MAD1L1: variants seen among roughly 807,000 people sequenced by gnomAD.
MAD1L1 encodes the protein mitotic spindle assembly checkpoint protein MAD1.
Under a neutral mutation model 96.9 loss-of-function variants are expected in MAD1L1, and 95 were observed. That is an observed-to-expected ratio of 0.98 (90% CI 0.83 to 1.16). The LOEUF is 1.16. Ranked by LOEUF, MAD1L1 falls within the 50% of genes most tolerant of loss-of-function variation. The pLI, the probability that MAD1L1 is intolerant of heterozygous loss-of-function variation, is 0.00. For synonymous variants in MAD1L1, 473 were observed against 396.6 expected (o/e 1.19, Z -2.29); for missense variants, 1,007 against 954.4 (o/e 1.06, Z -0.73).
intron 11 of MAD1L1, among the ~76,000 whole-genome samples, chr7:2,115,910 G>T (rs1054725616): frequency 4.6e-5 from 7 of 152,206 alleles, no homozygotes; most frequent in Non-Finnish European, 1.5e-5. Context: ...CCTGCCCCAG[G>T]CCCACACCCT....
intron 18 of MAD1L1, among the ~76,000 whole-genome samples, chr7:1,822,542 C>T (rs1351340159): frequency 6.6e-6 from 1 of 150,876 alleles, no homozygotes; most frequent in Non-Finnish European, 1.5e-5. Context: ...ATCTTCCTGC[C>T]TCAACGTGCC....
At chr7:1,975,860 G>C (rs1332268965) in intron 15 of MAD1L1, among the ~76,000 whole-genome samples, 1 of 152,138 alleles carries the variant, frequency 6.6e-6, no homozygotes, top group African/African-American at 2.4e-5. Context: ...GAGGGTCCGA[G>C]TGTGACTAGC....
At chr7:2,000,768 G>C (rs973148027) in intron 14 of MAD1L1, among the ~76,000 whole-genome samples, 1 of 152,228 alleles carries the variant, frequency 6.6e-6, no homozygotes, top group Middle Eastern at 3.2e-3. Context: ...GCTGCTGAGT[G>C]AACAGCGACC....
chr7:2,131,404 A>G (rs1422173987), intron 11 of MAD1L1, among the ~76,000 whole-genome samples: 1 of 152,240 alleles, frequency 6.6e-6, no homozygotes, highest in East Asian at 1.9e-4. Context: ...AGGCAGTAAA[A>G]TTGGCAGAGC....
chr7:2,158,064 C>T (rs924346344), intron 10 of MAD1L1, among the ~76,000 whole-genome samples: 7 of 152,238 alleles, frequency 4.6e-5, no homozygotes, highest in Non-Finnish European at 7.3e-5. Context: ...CAAGCTGTGA[C>T]ATCTGCTGCT....
At chr7:2,002,145 C>A in intron 13 of MAD1L1, 24 bp from the exon 14 acceptor site, 1 of 1,611,448 alleles carries the variant, frequency 6.2e-7, no homozygotes, top group Middle Eastern at 1.7e-4. Flanking sequence ...CAGGATTCGG[C>A]CTGAGACTGT....
At chr7:2,156,336 C>T (rs1246457494) in intron 10 of MAD1L1, among the ~76,000 whole-genome samples, 5 of 152,278 alleles carry the variant, frequency 3.3e-5, no homozygotes, top group South Asian at 2.1e-4. Context: ...CGGTGCGTGG[C>T]GTCATGACGT....
intron 10 of MAD1L1, among the ~76,000 whole-genome samples, chr7:2,209,163 G>A (rs1484452031): frequency 6.6e-6 from 1 of 152,130 alleles, no homozygotes; most frequent in Non-Finnish European, 1.5e-5. Flanking sequence ...GACACATAAG[G>A]ACCTCGTTCC....
chr7:2,034,155 G>C (rs1317438026), intron 12 of MAD1L1, among the ~76,000 whole-genome samples: 1 of 151,714 alleles, frequency 6.6e-6, no homozygotes, highest in African/African-American at 2.4e-5. Flanking sequence ...GTCCAAGGAT[G>C]TTGCACACAT....
rs1314755630 is a variant in MAD1L1, at chr7:1,983,146, GCGCGCGCGCACACACACA to G, written c.1417-2623_1417-2606del. Among the ~76,000 whole-genome samples the G allele has an allele frequency of 7.2e-3, 947 of 130,970 alleles. 8 individuals carry two copies. The highest frequency in any genetic ancestry group is 0.011 in the Non-Finnish European group (725 of 63,826). The allele number at this position is 130,970 out of a possible 152,430, so 85.9% of individuals were successfully genotyped here. ...CACACCCACAGACGCGCGCGCGCGC[GCGCGCGCGCACACACACA>G]CACACACACACACACACACACACAG... On this transcript the variant is annotated intron_variant, in intron 14 of 18. Coordinates refer to ENST00000265854, the MANE Select transcript of MAD1L1 (RefSeq NM_001013836.2).
chr7:2,228,865 C>T (rs561979016), intron 3 of MAD1L1, among the ~76,000 whole-genome samples: 7 of 152,116 alleles, frequency 4.6e-5, no homozygotes, highest in East Asian at 1.9e-4. Context: ...TCCAGCCTCC[C>T]GAGTAGCTGG....
intron 12 of MAD1L1, among the ~76,000 whole-genome samples, chr7:2,056,262 TAAAA>T (rs1357059200): frequency 6.6e-6 from 1 of 152,092 alleles, no homozygotes; most frequent in East Asian, 1.9e-4. Flanking sequence ...TTTTCAGTAT[TAAAA>T]AAGAAAGAGC....
intron 15 of MAD1L1, among the ~76,000 whole-genome samples, chr7:1,975,474 G>A (rs566799730): frequency 1.0e-3 from 156 of 152,268 alleles, no homozygotes; most frequent in Middle Eastern, 6.8e-3. Flanking sequence ...TCTCCCTGGC[G>A]GCCTGGGCTG....
intron 12 of MAD1L1, among the ~76,000 whole-genome samples, chr7:2,033,219 G>A (rs966261383): frequency 6.6e-6 from 1 of 152,252 alleles, no homozygotes; most frequent in African/African-American, 2.4e-5. Context: ...GACAGCCCGG[G>A]TGCTGCAGGT....
intron 11 of MAD1L1, among the ~76,000 whole-genome samples, chr7:2,104,560 A>C (rs1027419911): frequency 1.3e-5 from 2 of 152,274 alleles, no homozygotes; most frequent in Non-Finnish European, 2.9e-5. Context: ...AATGCCAGCA[A>C]CTACAGATCT....
intron 10 of MAD1L1, among the ~76,000 whole-genome samples, chr7:2,158,789 G>A (rs575030718): frequency 1.9e-4 from 29 of 151,932 alleles, no homozygotes; most frequent in Admixed American, 1.2e-3. Flanking sequence ...TTTTCCTGAA[G>A]ACAGGGGACT....
At chr7:1,976,757 G>C (rs1780661490) in intron 15 of MAD1L1, among the ~76,000 whole-genome samples, 1 of 152,218 alleles carries the variant, frequency 6.6e-6, no homozygotes, top group Non-Finnish European at 1.5e-5. Flanking sequence ...CCTTTAGCTA[G>C]ACACAGAGTG....
At chr7:2,208,633 C>T (rs966496395) in intron 10 of MAD1L1, among the ~76,000 whole-genome samples, 7 of 152,138 alleles carry the variant, frequency 4.6e-5, no homozygotes, top group Admixed American at 2.0e-4. Context: ...TTGTGCTGTT[C>T]GCCTACAGAG....
intron 11 of MAD1L1, among the ~76,000 whole-genome samples, chr7:2,085,157 T>C (rs1191045220): frequency 6.6e-6 from 1 of 152,110 alleles, no homozygotes; most frequent in African/African-American, 2.4e-5. Context: ...TAGCCACGGG[T>C]CTCAGAACCG....
Sources: allele counts gnomAD v4.1 joint callset (sites outside exome capture counted in the v4.1 genomes callset), GRCh38; gene constraint gnomAD v4.1.1; transcripts MANE v1.5; gene names NCBI Gene and HGNC (gene_info 2026-07-23, HGNC 2026-07-21).